PRKG2: variants seen among roughly 807,000 people sequenced by gnomAD.
PRKG2 encodes cGMP-dependent protein kinase 2.
In PRKG2, 33 loss-of-function variants were observed where a neutral mutation model predicts 97.2. The ratio of observed to expected loss-of-function variants is 0.34; its 90% CI spans 0.26 to 0.45. The LOEUF is 0.45. Ranked by LOEUF, PRKG2 falls within the 20% of genes least tolerant of loss-of-function variation. The pLI, the probability that PRKG2 is intolerant of heterozygous loss-of-function variation, is 1.00. For synonymous variants in PRKG2, 330 were observed against 321.8 expected (o/e 1.03, Z -0.27); for missense variants, 638 against 900.0 (o/e 0.71, Z 3.73).
chr4:81,120,182 T>C (rs1314246751), intron 14 of PRKG2, among the ~76,000 whole-genome samples: 1 of 152,228 alleles, frequency 6.6e-6, no homozygotes. Context: ...CGCTGCTGAA[T>C]GTTCAAACTG....
At chr4:81,155,274 G>A (rs906795572) in intron 6 of PRKG2, among the ~76,000 whole-genome samples, 1 of 151,826 alleles carries the variant, frequency 6.6e-6, no homozygotes, top group Non-Finnish European at 1.5e-5. Context: ...CGAGAACTAC[G>A]TGAAGAATGC....
intron 2 of PRKG2, among the ~76,000 whole-genome samples, chr4:81,195,549 C>T (rs779957548): frequency 6.6e-6 from 1 of 152,130 alleles, no homozygotes; most frequent in Non-Finnish European, 1.5e-5. Context: ...CCCTGGGTCT[C>T]CTCACCCCTC....
chr4:81,101,608 C>A, intron 17 of PRKG2, among the ~76,000 whole-genome samples: 1 of 151,086 alleles, frequency 6.6e-6, no homozygotes, highest in African/African-American at 2.4e-5. Flanking sequence ...GGTGATATAC[C>A]TAATGTTAAA....
At chr4:81,195,411 T>G (rs1347244511) in intron 2 of PRKG2, among the ~76,000 whole-genome samples, 4 of 152,152 alleles carry the variant, frequency 2.6e-5, no homozygotes, top group Non-Finnish European at 4.4e-5. Context: ...TAACATAAAA[T>G]GTATCATTTT....
In PRKG2 at chr4:81,205,585, C is replaced by G. The variant is rs199711054; in HGVS notation, c.-13-525G>C. ...CAGAGTTGGTGATGGTTGATTAGCA[C>G]TTTCCTCCTGCTGTATGTATCTATT... is the stretch of plus-strand genomic sequence containing the variant. On this transcript the variant is annotated intron_variant, in intron 1 of 18. Coordinates refer to ENST00000264399, the MANE Select transcript of PRKG2 (RefSeq NM_006259.3). Among the ~76,000 whole-genome samples the G allele has an allele frequency of 2.6e-5, 4 of 152,234 alleles. No individual in the cohort carries two copies. In the East Asian group the frequency reaches 5.8e-4, roughly 22 times the overall value.
intron 5 of PRKG2, among the ~76,000 whole-genome samples, chr4:81,168,667 G>C (rs1285658319): frequency 6.6e-6 from 1 of 152,092 alleles, no homozygotes; most frequent in African/African-American, 2.4e-5. Context: ...CTGGCATATA[G>C]ATAGAGAACC....
chr4:81,205,206 G>GAAA, intron 1 of PRKG2, 146 bp from the exon 2 acceptor site: 6 of 478,794 alleles, frequency 1.3e-5, no homozygotes, highest in Non-Finnish European at 2.1e-5. Context: ...GAAGTTTCCA[G>GAAA]AAAAAAAAAA....
intron 14 of PRKG2, among the ~76,000 whole-genome samples, chr4:81,119,584 A>G (rs1744874263): frequency 6.6e-6 from 1 of 152,058 alleles, no homozygotes; most frequent in South Asian, 2.1e-4. Context: ...TACATTGGCT[A>G]TTCTGGGTCT....
chr4:81,123,841 C>T (rs1013304304), intron 14 of PRKG2, among the ~76,000 whole-genome samples: 6 of 152,032 alleles, frequency 3.9e-5, no homozygotes, highest in African/African-American at 1.4e-4. Flanking sequence ...GTTTCCTTTG[C>T]GGCCTTCTTT....
chr4:81,093,821 C>T (rs961877849), intron 17 of PRKG2, among the ~76,000 whole-genome samples: 2 of 152,092 alleles, frequency 1.3e-5, no homozygotes, highest in Non-Finnish European at 2.9e-5. Flanking sequence ...AGTCAGGAGG[C>T]CTCATTTCTC....
In PRKG2 at chr4:81,105,915, T is replaced by G. The variant is rs1242923777; in HGVS notation, c.1961A>C (p.Asp654Ala). 1 of 1,613,698 alleles carries G rather than the reference T, an allele frequency of 6.2e-7. No individual in the cohort carries two copies. The highest frequency in any genetic ancestry group is 8.5e-7 in the Non-Finnish European group (1 of 1,179,742). Residue 654 changes from aspartate (D) to alanine (A), a missense_variant, in exon 16 of 19, where the codon GAC (aspartate) becomes GCC (alanine). By Grantham distance (126) the Asp-to-Ala change is moderately radical (BLOSUM62 -2). Coordinates refer to ENST00000264399, the MANE Select transcript of PRKG2 (RefSeq NM_006259.3). ...LTGNPPFSGV[D>A]QMMTYNLILK... ...AATCAAATTGTAGGTCATCATTTGG[T>G]CAACCCCAGAAAAGGGTGGGCTAGA...
At chr4:81,156,416 C>T (rs1749100689) in intron 6 of PRKG2, among the ~76,000 whole-genome samples, 1 of 152,012 alleles carries the variant, frequency 6.6e-6, no homozygotes, top group Non-Finnish European at 1.5e-5. Context: ...ACAGGAGCAC[C>T]CAGATTCATA....
At chr4:81,184,078 T>A (rs1379192281) in intron 2 of PRKG2, among the ~76,000 whole-genome samples, 1 of 152,202 alleles carries the variant, frequency 6.6e-6, no homozygotes, top group African/African-American at 2.4e-5. Context: ...TTCAGCAGAC[T>A]TAAATGATCC....
chr4:81,140,406 A>G (rs935450525), intron 12 of PRKG2, 127 bp downstream of exon 12: 3 of 759,304 alleles, frequency 4.0e-6, no homozygotes, highest in Non-Finnish European at 3.7e-6. Flanking sequence ...CATTTCATGT[A>G]CCCCATAAAT....
chr4:81,212,116 A>C (rs56123401), intron 1 of PRKG2, among the ~76,000 whole-genome samples: 26,720 of 152,122 alleles, frequency 0.18, 2,790 homozygotes, highest in Non-Finnish European at 0.23. Flanking sequence ...GCATCTGTCC[A>C]TCCAACCTTG....
At chr4:81,206,166 A>C (rs1005838504) in intron 1 of PRKG2, among the ~76,000 whole-genome samples, 6 of 152,234 alleles carry the variant, frequency 3.9e-5, no homozygotes, top group Non-Finnish European at 8.8e-5. Context: ...ACTTTGGGAA[A>C]TACTGCTCTA....
chr4:81,158,779 T>G (rs560301734), intron 6 of PRKG2, among the ~76,000 whole-genome samples: 69 of 152,166 alleles, frequency 4.5e-4, no homozygotes, highest in Admixed American at 2.9e-3. Context: ...AATAGAGCCC[T>G]CAGAAATAAC....
chr4:81,091,847 C>T (rs1214084836), intron 18 of PRKG2, among the ~76,000 whole-genome samples: 2 of 152,194 alleles, frequency 1.3e-5, no homozygotes, highest in East Asian at 1.9e-4. Flanking sequence ...ATTAGCAACA[C>T]GAAGTGACTG....
chr4:81,098,050 G>A (rs914560054), intron 17 of PRKG2, among the ~76,000 whole-genome samples: 10 of 152,122 alleles, frequency 6.6e-5, no homozygotes, highest in African/African-American at 2.4e-4. Flanking sequence ...GTTGCCAAAA[G>A]AGATTAACAT....
Sources: gnomAD v4.1 joint callset for allele counts (sites outside exome capture counted in the v4.1 genomes callset) on GRCh38, gnomAD v4.1.1 for gene constraint, MANE v1.5 for transcripts, NCBI Gene and HGNC (gene_info 2026-07-23, HGNC 2026-07-21) for gene names.